Variants in PEX14 observed in about 807,000 individuals in gnomAD.
PEX14 encodes the protein peroxisomal membrane protein PEX14.
A neutral mutation model predicts 49.5 loss-of-function variants in PEX14; 15 were observed. The observed-to-expected ratio is 0.30, with a 90% CI of 0.20 to 0.47. The LOEUF (loss-of-function observed/expected upper bound fraction) is 0.47. Among genes scored for constraint, PEX14 ranks in the 20% least tolerant of loss-of-function variants. The pLI, the probability that PEX14 is intolerant of heterozygous loss-of-function variation, is 1.00. For synonymous variants in PEX14, 210 were observed against 212.7 expected (o/e 0.99, Z 0.11); for missense variants, 398 against 494.8 (o/e 0.80, Z 1.86).
chr1:10,619,109 C>G (rs1641520074), intron 5 of PEX14, among the ~76,000 whole-genome samples: 1 of 152,164 alleles, frequency 6.6e-6, no homozygotes, highest in Non-Finnish European at 1.5e-5. Flanking sequence ...AGTCAACTTT[C>G]AGGATCCCAG....
At chr1:10,482,827 G>A (rs983719103) in intron 1 of PEX14, among the ~76,000 whole-genome samples, 7 of 152,128 alleles carry the variant, frequency 4.6e-5, no homozygotes, top group African/African-American at 1.7e-4. Flanking sequence ...GTCTTTTTGT[G>A]AACATAATAT....
At chr1:10,533,622 T>C (rs1638712540) in intron 2 of PEX14, among the ~76,000 whole-genome samples, 1 of 152,234 alleles carries the variant, frequency 6.6e-6, no homozygotes, top group South Asian at 2.1e-4. Context: ...ATTCCCTCTC[T>C]GCAGCCACTT....
At chr1:10,579,838 A>G (rs915614161) in intron 3 of PEX14, among the ~76,000 whole-genome samples, 2 of 152,030 alleles carry the variant, frequency 1.3e-5, no homozygotes, top group African/African-American at 4.8e-5. Flanking sequence ...CTTATCAGCA[A>G]GGTCTTTATG....
At chr1:10,576,321 T>C (rs1640114244) in intron 3 of PEX14, among the ~76,000 whole-genome samples, 1 of 152,200 alleles carries the variant, frequency 6.6e-6, no homozygotes. Flanking sequence ...CTAACATGTA[T>C]TGAGGGCTGA....
intron 3 of PEX14, among the ~76,000 whole-genome samples, chr1:10,542,874 A>G (rs1259362942): frequency 6.6e-6 from 1 of 152,168 alleles, no homozygotes; most frequent in Non-Finnish European, 1.5e-5. Flanking sequence ...TGTCGTATAC[A>G]TTGTTGAACG....
At chr1:10,596,372 G>T (rs1640832914) in intron 3 of PEX14, among the ~76,000 whole-genome samples, 1 of 152,212 alleles carries the variant, frequency 6.6e-6, no homozygotes, top group Admixed American at 6.5e-5. Flanking sequence ...AAGTTGTCCA[G>T]GCGTCATTTA....
At chr1:10,573,503 A>C (rs1640039228) in intron 3 of PEX14, among the ~76,000 whole-genome samples, 1 of 152,210 alleles carries the variant, frequency 6.6e-6, no homozygotes, top group South Asian at 2.1e-4. Context: ...AAAGATGCCT[A>C]ATATCCTTCC....
At chr1:10,507,011 C>G (rs116307696) in intron 2 of PEX14, among the ~76,000 whole-genome samples, 2,607 of 152,344 alleles carry the variant, frequency 0.017, 85 homozygotes, top group African/African-American at 0.059. Flanking sequence ...CGAACAATTA[C>G]TAGCTCCGAT....
chr1:10,587,043 A>G (rs1295611961), intron 3 of PEX14, among the ~76,000 whole-genome samples: 2 of 152,158 alleles, frequency 1.3e-5, no homozygotes, highest in Non-Finnish European at 2.9e-5. Context: ...CTGTTACTCT[A>G]TTTTTTGATC....
At chr1:10,533,148 G>A (rs1387791198) in intron 2 of PEX14, among the ~76,000 whole-genome samples, 1 of 152,042 alleles carries the variant, frequency 6.6e-6, no homozygotes, top group Non-Finnish European at 1.5e-5. Context: ...ACACTTACAT[G>A]TAGCCACTTC....
chr1:10,579,385 T>G (rs1254143044), intron 3 of PEX14, among the ~76,000 whole-genome samples: 2 of 152,136 alleles, frequency 1.3e-5, no homozygotes, highest in Non-Finnish European at 2.9e-5. Flanking sequence ...TGAATAAATA[T>G]CTGTGTGAGA....
chr1:10,521,811 A>G (rs550857370), intron 2 of PEX14, among the ~76,000 whole-genome samples: 1 of 152,230 alleles, frequency 6.6e-6, no homozygotes, highest in East Asian at 1.9e-4. Context: ...CTGAAGTTTC[A>G]TTTGTAGTCT....
At chr1:10,520,051 C>T (rs1195787553) in intron 2 of PEX14, among the ~76,000 whole-genome samples, 2 of 151,832 alleles carry the variant, frequency 1.3e-5, no homozygotes, top group Non-Finnish European at 2.9e-5. Flanking sequence ...GTTGCCCAGG[C>T]TGGGTCTCAA....
At chr1:10,599,479 C>A in intron 4 of PEX14, 113 bp downstream of exon 4, 1 of 1,258,964 alleles carries the variant, frequency 7.9e-7, no homozygotes, top group Non-Finnish European at 1.2e-6. Flanking sequence ...CTGGGAGCAG[C>A]AGAAAGCTCT....
chr1:10,498,082 C>A (rs1451290476), intron 2 of PEX14, among the ~76,000 whole-genome samples: 27 of 152,168 alleles, frequency 1.8e-4, no homozygotes, highest in Non-Finnish European at 1.5e-5. Context: ...GAGTTTGAGA[C>A]CAGCCTGCAC....
intron 3 of PEX14, among the ~76,000 whole-genome samples, chr1:10,582,066 C>G (rs2124571303): frequency 6.6e-6 from 1 of 151,976 alleles, no homozygotes; most frequent in African/African-American, 2.4e-5. Flanking sequence ...AAACTTGTCT[C>G]TAGTTCATAG....
chr1:10,595,344 C>T (rs574281377), intron 3 of PEX14, among the ~76,000 whole-genome samples: 2 of 152,358 alleles, frequency 1.3e-5, no homozygotes, highest in South Asian at 2.1e-4. Flanking sequence ...TCCCTCGTCC[C>T]TTTCTCCTCC....
At chr1:10,526,082 C>T (rs552831602) in intron 2 of PEX14, among the ~76,000 whole-genome samples, 6 of 151,582 alleles carry the variant, frequency 4.0e-5, no homozygotes, top group East Asian at 1.9e-4. Flanking sequence ...CTGCCACACC[C>T]GGCTAATTTT....
chr1:10,479,207 T>C (rs1376012911), intron 1 of PEX14, among the ~76,000 whole-genome samples: 1 of 151,922 alleles, frequency 6.6e-6, no homozygotes, highest in African/African-American at 2.4e-5. Flanking sequence ...GGAGACCTCG[T>C]TCCTACTGAA....
Sources: allele counts gnomAD v4.1 joint callset (sites outside exome capture counted in the v4.1 genomes callset), GRCh38; gene constraint gnomAD v4.1.1; transcripts MANE v1.5; gene names NCBI Gene and HGNC (gene_info 2026-07-23, HGNC 2026-07-21).